Variants in CNTNAP2 observed in about 807,000 individuals in gnomAD.
The protein encoded by CNTNAP2 is contactin-associated protein-like 2.
CNTNAP2 carries 98 observed loss-of-function variants against 155.2 expected under a neutral mutation model. That is an observed-to-expected ratio of 0.63 (90% CI 0.54 to 0.75). CNTNAP2 has a LOEUF of 0.75. CNTNAP2 is among the 30% of genes least tolerant of loss of function. The pLI is 0.00. For synonymous variants in CNTNAP2, 651 were observed against 631.2 expected (o/e 1.03, Z -0.47); for missense variants, 1,727 against 1,688.1 (o/e 1.02, Z -0.40).
At chr7:147,734,219 G>A in intron 13 of CNTNAP2, among the ~76,000 whole-genome samples, 1 of 152,256 alleles carries the variant, frequency 6.6e-6, no homozygotes, top group African/African-American at 2.4e-5. Flanking sequence ...AGAGTTTTTA[G>A]CATGAAGGGC....
chr7:146,660,132 G>T (rs1800061929), intron 1 of CNTNAP2, among the ~76,000 whole-genome samples: 1 of 152,186 alleles, frequency 6.6e-6, no homozygotes, highest in Non-Finnish European at 1.5e-5. Context: ...GACTTGAATG[G>T]TAATAAGGGA....
intron 1 of CNTNAP2, among the ~76,000 whole-genome samples, chr7:146,597,699 T>C (rs947439679): frequency 2.0e-5 from 3 of 152,208 alleles, no homozygotes; most frequent in Admixed American, 2.0e-4. Context: ...GCTTTTTGGA[T>C]TGAGTTCTAA....
At chr7:146,875,596 G>A (rs1018590901) in intron 3 of CNTNAP2, among the ~76,000 whole-genome samples, 1 of 151,980 alleles carries the variant, frequency 6.6e-6, no homozygotes, top group African/African-American at 2.4e-5. Context: ...AGCTTCTGTG[G>A]GATAGCAGGA....
chr7:147,085,839 T>C (rs922526799), intron 4 of CNTNAP2: 1 of 152,238 alleles, frequency 6.6e-6, no homozygotes, highest in African/African-American at 2.4e-5. Context: ...ATACAAATGA[T>C]TGATAGCAAT....
At chr7:146,780,278 G>A (rs1297107447) in intron 2 of CNTNAP2, among the ~76,000 whole-genome samples, 3 of 151,580 alleles carry the variant, frequency 2.0e-5, no homozygotes, top group Admixed American at 2.0e-4. Flanking sequence ...CTCTGCCTCC[G>A]AGGTTCATGC....
At chr7:148,078,051 C>G (rs912858818) in intron 15 of CNTNAP2, among the ~76,000 whole-genome samples, 1 of 151,648 alleles carries the variant, frequency 6.6e-6, no homozygotes, top group Non-Finnish European at 1.5e-5. Flanking sequence ...TTAATGTACC[C>G]AAAAACATAA....
intron 8 of CNTNAP2, among the ~76,000 whole-genome samples, chr7:147,277,456 C>T (rs1804922059): frequency 6.6e-6 from 1 of 151,866 alleles, no homozygotes; most frequent in African/African-American, 2.4e-5. Flanking sequence ...AGAAGCAAAT[C>T]ACATAATGAA....
chr7:146,794,236 G>T (rs1802727117), intron 2 of CNTNAP2, among the ~76,000 whole-genome samples: 1 of 152,114 alleles, frequency 6.6e-6, no homozygotes. Context: ...TAACTATGTA[G>T]AAATAGTATT....
chr7:147,734,275 A>G (rs1447148128), intron 13 of CNTNAP2, among the ~76,000 whole-genome samples: 1 of 152,162 alleles, frequency 6.6e-6, no homozygotes, highest in African/African-American at 2.4e-5. Flanking sequence ...TGAGATAATC[A>G]TGTGGTTTTT....
chr7:147,898,731 G>A (rs998812150), intron 13 of CNTNAP2, among the ~76,000 whole-genome samples: 4 of 152,020 alleles, frequency 2.6e-5, no homozygotes, highest in Non-Finnish European at 5.9e-5. Flanking sequence ...TCTTGGCCAG[G>A]CTGATCTTGA....
chr7:148,348,957 C>T (rs1391714325), intron 21 of CNTNAP2, among the ~76,000 whole-genome samples: 1 of 152,104 alleles, frequency 6.6e-6, no homozygotes, highest in African/African-American at 2.4e-5. Flanking sequence ...GCATTTTTTA[C>T]ATTCAAGCCT....
chr7:146,842,767 G>A lies in CNTNAP2; in HGVS notation c.402+2863G>A, dbSNP rs1405024118. ...GTGACGCGATCTCGGCTCACTGCAA[G>A]CTCCGCCTCCCGGTTTCACGCCATT... On this transcript the variant is annotated intron_variant, in intron 3 of 23. Transcript: ENST00000361727. Among the ~76,000 whole-genome samples the A allele has an allele frequency of 2.2e-4, 33 of 151,852 alleles. 1 individual carries two copies.
intron 13 of CNTNAP2, among the ~76,000 whole-genome samples, chr7:147,722,263 A>C (rs949900516): frequency 1.3e-5 from 2 of 152,150 alleles, no homozygotes; most frequent in African/African-American, 4.8e-5. Flanking sequence ...ATCACAATTA[A>C]TCTTACATTA....
At chr7:148,189,679 A>G (rs1213537014) in intron 18 of CNTNAP2, among the ~76,000 whole-genome samples, 4 of 152,204 alleles carry the variant, frequency 2.6e-5, no homozygotes, top group Non-Finnish European at 5.9e-5. Flanking sequence ...ATTTCTGTTC[A>G]TTGTAAATTA....
Position 146,308,377 on chromosome 7 carries a change from G to T in CNTNAP2, c.97+191404G>T, listed in dbSNP as rs554942528. Among the ~76,000 whole-genome samples, 5 of 152,302 alleles carry T rather than the reference G, an allele frequency of 3.3e-5. No individual in the cohort carries two copies. In the South Asian group the frequency reaches 6.2e-4, roughly 19 times the overall value. On this transcript the variant is annotated intron_variant, in intron 1 of 23. Coordinates refer to ENST00000361727, the MANE Select transcript of CNTNAP2 (RefSeq NM_014141.6). Reference sequence around the variant, plus strand: ...AAATAGAAATGCTTTTACACCATTGGTGGGATTGTAAACTAGTTCAACCAT... The same window carrying T: ...AAATAGAAATGCTTTTACACCATTGTTGGGATTGTAAACTAGTTCAACCAT...
At chr7:147,432,504 C>T (rs754289769) in intron 10 of CNTNAP2, among the ~76,000 whole-genome samples, 3 of 152,186 alleles carry the variant, frequency 2.0e-5, no homozygotes, top group Non-Finnish European at 4.4e-5. Flanking sequence ...ATCACTACTT[C>T]CCACATTAGC....
chr7:147,445,745 A>T (rs183391838), intron 10 of CNTNAP2, among the ~76,000 whole-genome samples: 2 of 152,216 alleles, frequency 1.3e-5, no homozygotes, highest in East Asian at 3.9e-4. Context: ...AAGCTGCATT[A>T]GTCTATCTAT....
At chr7:148,347,526 G>A (rs1177919) in intron 21 of CNTNAP2, among the ~76,000 whole-genome samples, 150,256 of 152,306 alleles carry the variant, frequency 0.99, 74,148 homozygotes, top group East Asian at 1. Flanking sequence ...TTTTACTCAT[G>A]TGACCAGTTA....
chr7:147,867,084 T>C (rs951835406), intron 13 of CNTNAP2, among the ~76,000 whole-genome samples: 1 of 152,230 alleles, frequency 6.6e-6, no homozygotes, highest in Non-Finnish European at 1.5e-5. Flanking sequence ...TAGTGGATGA[T>C]ACCGGTTGTT....
Sources: allele counts gnomAD v4.1 joint callset (sites outside exome capture counted in the v4.1 genomes callset), GRCh38; gene constraint gnomAD v4.1.1; transcripts MANE v1.5; gene names NCBI Gene and HGNC (gene_info 2026-07-23, HGNC 2026-07-21).